Variants in HPD observed in about 807,000 individuals in gnomAD.
HPD encodes 4-hydroxyphenylpyruvic acid oxidase.
A neutral mutation model predicts 56.9 loss-of-function variants in HPD; 35 were observed. The observed-to-expected ratio is 0.62, with a 90% CI of 0.47 to 0.82. The LOEUF is 0.82. Ranked by LOEUF, HPD falls within the 40% of genes least tolerant of loss-of-function variation. The probability of loss-of-function intolerance (pLI) is 0.00; values close to 1 mark genes in which losing one functional copy is unlikely to be tolerated. For missense variants in HPD, 442 were observed against 506.8 expected (o/e 0.87, Z 1.23); for synonymous variants, 186 against 200.2 (o/e 0.93, Z 0.60).
Position 121,840,066 on chromosome 12 carries a change from G to T in HPD, c.955-18C>A. 8 of 1,515,162 alleles carry T rather than the reference G, an allele frequency of 5.3e-6. No homozygotes were observed. The highest frequency in any genetic ancestry group is 6.4e-6 in the Non-Finnish European group (7 of 1,089,970). 93.9% of individuals were successfully genotyped at this position (1,515,162 alleles called of 1,614,324 possible). A position where few individuals can be genotyped will look rare whatever the true frequency, so the allele number is the denominator to read the frequency against. ...TTCAGCTCCTAGGCGGGAGACAGGGGGCTCTGCTAGGGGAGGCTGGCACGG... is the reference window on the plus strand; with the variant it reads ...TTCAGCTCCTAGGCGGGAGACAGGGTGCTCTGCTAGGGGAGGCTGGCACGG... On this transcript the variant is annotated intron_variant, in intron 12 of 13. Coordinates refer to ENST00000289004, the MANE Select transcript of HPD (RefSeq NM_002150.3).
the HPD span, among the ~76,000 whole-genome samples, chr12:121,885,811 A>C: frequency 2.0e-5 from 3 of 151,654 alleles, no homozygotes; most frequent in Admixed American, 6.6e-5. Flanking sequence ...AAAAATACAA[A>C]AAAATTAGCC....
chr12:121,856,446 T>C (rs1248514716), intron 5 of HPD, 40 bp from the exon 6 acceptor site: 2 of 1,603,452 alleles, frequency 1.2e-6, no homozygotes, highest in African/African-American at 2.7e-5. Flanking sequence ...GAGTCTGGAG[T>C]CTAGGTCCCC....
intron 7 of HPD, 38 bp downstream of exon 7, chr12:121,854,665 C>G (rs746774715): frequency 4.2e-6 from 6 of 1,440,802 alleles, no homozygotes. Context: ...TCAGTGGTGC[C>G]GACAGCAGGA....
upstream of HPD, among the ~76,000 whole-genome samples, chr12:121,867,986 C>T (rs2137647239): frequency 6.6e-6 from 1 of 152,292 alleles, no homozygotes; most frequent in South Asian, 2.1e-4. Flanking sequence ...TTGTTTCTCT[C>T]TATTGCTGAG....
the HPD span, among the ~76,000 whole-genome samples, chr12:121,883,720 C>T: frequency 6.0e-5 from 9 of 149,414 alleles, no homozygotes; most frequent in Non-Finnish European, 1.3e-4. Flanking sequence ...GGTCTTGCCA[C>T]GTTGCTCAGG....
chr12:121,874,575 G>A, the HPD span, among the ~76,000 whole-genome samples: 68,961 of 151,082 alleles, frequency 0.46, 16,170 homozygotes, highest in African/African-American at 0.54. Context: ...CCGAGATCAC[G>A]CCATTGCACT....
chr12:121,854,772 G>A lies in HPD; in HGVS notation c.345C>T (p.Ala115=), dbSNP rs59741465. 1,791 of 1,614,044 alleles carry A rather than the reference G, an allele frequency of 1.1e-3. 31 individuals are homozygous for A. In the African/African-American group the frequency reaches 0.022, roughly 20 times the overall value. ...YIVQKARERG[A]KIMREPWVEQ... ...CTACCCAGGGCTCCCGCATGATTTT[G>A]GCGCCCCGTTCCCGTGCTTTCTGCA... The change falls in exon 7 of 14, where the codon GCC becomes GCT. Residue 115 remains alanine (A), a synonymous_variant. Coordinates refer to ENST00000289004, the MANE Select transcript of HPD (RefSeq NM_002150.3).
the HPD span, among the ~76,000 whole-genome samples, chr12:121,887,948 A>G: frequency 8.4e-4 from 128 of 152,286 alleles, no homozygotes; most frequent in African/African-American, 3.1e-3. Flanking sequence ...TCAGATATCA[A>G]AGTTGATTGT....
At chr12:121,867,528 T>C (rs1162020920), upstream of HPD, among the ~76,000 whole-genome samples, 1 of 152,028 alleles carries the variant, frequency 6.6e-6, no homozygotes, top group East Asian at 1.9e-4. Flanking sequence ...AAATTGTTTT[T>C]TTTGAGACGA....
In HPD at chr12:121,856,734, A is replaced by T. The variant is rs563006013; in HGVS notation, c.199-109T>A. On this transcript the variant is annotated intron_variant, in intron 4 of 13. Transcript: ENST00000289004. ...GAAACACCCCTGATGGAGCACAAGA[A>T]CTCCTGGACCTGGGTTCTAGCTCCT... 13 of 999,610 alleles carry T rather than the reference A, an allele frequency of 1.3e-5. No homozygotes were observed. The Admixed American group carries it at 1.9e-4, about 15-fold the overall frequency. The allele number at this position is 999,610 out of a possible 1,614,324, so 61.9% of individuals were successfully genotyped here. A position where few individuals can be genotyped will look rare whatever the true frequency, so the allele number is the denominator to read the frequency against.
At chr12:121,856,840 A>G in intron 4 of HPD, 2 of 611,940 alleles carry the variant, frequency 3.3e-6, no homozygotes, top group Non-Finnish European at 5.9e-6. Flanking sequence ...AGGAACTGCT[A>G]GGTCAGGTCT....
At chr12:121,841,434 T>C (rs1452636155) in intron 12 of HPD, among the ~76,000 whole-genome samples, 1 of 152,138 alleles carries the variant, frequency 6.6e-6, no homozygotes, top group African/African-American at 2.4e-5. Context: ...TATTCCAAAG[T>C]GCATTGAAAA....
intron 7 of HPD, among the ~76,000 whole-genome samples, chr12:121,851,563 C>T (rs12821095): frequency 6.8e-6 from 1 of 146,582 alleles, no homozygotes; most frequent in East Asian, 2.1e-4. Flanking sequence ...AGGCTGGTCT[C>T]GAACTCCTGA....
chr12:121,859,351 C>A (rs752670475), upstream of HPD, among the ~76,000 whole-genome samples: 1 of 152,134 alleles, frequency 6.6e-6, no homozygotes, highest in Non-Finnish European at 1.5e-5. Context: ...TCCCTTTGAG[C>A]CTCATTTGTA....
chr12:121,880,573 C>T, the HPD span, among the ~76,000 whole-genome samples: 2 of 152,160 alleles, frequency 1.3e-5, no homozygotes, highest in Non-Finnish European at 2.9e-5. Flanking sequence ...GGATGGTGAT[C>T]TAGCTCATTT....
At chr12:121,856,147 T>G (rs543961437) in intron 6 of HPD, 177 bp downstream of exon 6, 41 of 682,970 alleles carry the variant, frequency 6.0e-5, no homozygotes, top group Non-Finnish European at 6.7e-5. Context: ...CATCTGGGCT[T>G]GTCACTGTGA....
chr12:121,859,039 A>C, upstream of HPD: 2 of 610,590 alleles, frequency 3.3e-6, no homozygotes, highest in Non-Finnish European at 5.8e-6. Flanking sequence ...AGAGAGGGGC[A>C]GTGACGTCCA....
the HPD span, among the ~76,000 whole-genome samples, chr12:121,877,711 T>C: frequency 1.3e-5 from 2 of 151,630 alleles, no homozygotes; most frequent in Non-Finnish European, 2.9e-5. Flanking sequence ...CCAGCCTGGG[T>C]GACGGATTGA....
In HPD at chr12:121,857,810, C is replaced by T. The variant is rs2137633922; in HGVS notation, c.40G>A (p.Gly14Ser). 6.2e-7 allele frequency: 1 copy of T among 1,613,832 alleles called. No individual in the cohort carries two copies. The highest frequency in any genetic ancestry group is 8.5e-7 in the Non-Finnish European group (1 of 1,179,744). The change falls in exon 3 of 14, where the codon GGC becomes AGC. Residue 14 changes from glycine to serine, a missense_variant. Physicochemically the swap from Gly to Ser is moderately conservative, Grantham distance 56. Transcript: ENST00000289004. ...ACAGAGTGGAAGTGGAGGAATCGGC[C>T]TCTCTCAGGCTGCAGAAGGAGAGAA... is the stretch of plus-strand genomic sequence containing the variant. ...YSDKGAKPER[G>S]RFLHFHSVTF...
Sources: gnomAD v4.1 joint callset for allele counts (sites outside exome capture counted in the v4.1 genomes callset) on GRCh38, gnomAD v4.1.1 for gene constraint, MANE v1.5 for transcripts, NCBI Gene and HGNC (gene_info 2026-07-23, HGNC 2026-07-21) for gene names.